KLHL1: variants seen among roughly 807,000 people sequenced by gnomAD.
The protein encoded by KLHL1 is kelch-like protein 1.
In KLHL1, 47 loss-of-function variants were observed where a neutral mutation model predicts 77.7. The observed-to-expected ratio is 0.60, with a 90% confidence interval of 0.48 to 0.77. The LOEUF (loss-of-function observed/expected upper bound fraction) is 0.77. Ranked by LOEUF, KLHL1 falls within the 30% of genes least tolerant of loss-of-function variation. KLHL1 has a pLI of 0.00. For synonymous variants in KLHL1, 360 were observed against 325.2 expected (o/e 1.11, Z -1.15); for missense variants, 925 against 910.8 (o/e 1.02, Z -0.20).
chr13:70,059,237 C>G (rs1242149874), intron 1 of KLHL1, among the ~76,000 whole-genome samples: 1 of 151,606 alleles, frequency 6.6e-6, no homozygotes, highest in African/African-American at 2.4e-5. Flanking sequence ...TGGCTTACTG[C>G]AACCTCTGCC....
At chr13:70,021,978 AC>A (rs1566506273) in intron 1 of KLHL1, among the ~76,000 whole-genome samples, 1 of 151,940 alleles carries the variant, frequency 6.6e-6, no homozygotes, top group Admixed American at 6.6e-5. Context: ...CAGAGCAGAA[AC>A]TTTATTTTAA....
chr13:69,771,276 C>CA (rs59252203), intron 7 of KLHL1, among the ~76,000 whole-genome samples: 3,367 of 127,970 alleles, frequency 0.026, 77 homozygotes, highest in African/African-American at 0.048. Context: ...TAGCAACTTT[C>CA]AAAAAAAAAA....
intron 1 of KLHL1, among the ~76,000 whole-genome samples, chr13:70,039,557 T>C (rs866823508): frequency 6.6e-6 from 1 of 152,120 alleles, no homozygotes; most frequent in African/African-American, 2.4e-5. Context: ...AAAAGATTTA[T>C]TGCCATTTTA....
chr13:69,984,748 C>T lies in KLHL1; in HGVS notation c.498-8946G>A, dbSNP rs553020306. On this transcript the variant is annotated intron_variant, in intron 1 of 10. Coordinates refer to ENST00000377844, the MANE Select transcript of KLHL1 (RefSeq NM_020866.3). The stretch of plus-strand genomic sequence containing the variant: ...TGTGTGTCTATGTTCTTGATTTCCT[C>T]GGCATGAGGCAAGGGACCTCGAGTA... Among the ~76,000 whole-genome samples the T allele has an allele frequency of 7.2e-5, 11 of 152,224 alleles. No individual in the cohort carries two copies. In the East Asian group the frequency reaches 1.5e-3, roughly 21 times the overall value.
At chr13:69,850,337 T>G (rs1879635816) in intron 5 of KLHL1, among the ~76,000 whole-genome samples, 1 of 151,594 alleles carries the variant, frequency 6.6e-6, no homozygotes, top group African/African-American at 2.4e-5. Context: ...ATATGATATA[T>G]GAATACATAT....
chr13:69,835,085 T>C (rs1029568382), intron 6 of KLHL1, among the ~76,000 whole-genome samples: 7 of 152,158 alleles, frequency 4.6e-5, no homozygotes, highest in African/African-American at 1.4e-4. Flanking sequence ...ACCTTACAAA[T>C]ATCCAAAATG....
chr13:69,837,971 T>A (rs2138106889), intron 6 of KLHL1, among the ~76,000 whole-genome samples: 1 of 151,716 alleles, frequency 6.6e-6, no homozygotes, highest in African/African-American at 2.4e-5. Context: ...AAATCTTATT[T>A]CTTTAGGCTT....
At chr13:70,037,226 G>T (rs932870277) in intron 1 of KLHL1, among the ~76,000 whole-genome samples, 5 of 152,002 alleles carry the variant, frequency 3.3e-5, no homozygotes, top group African/African-American at 7.2e-5. Flanking sequence ...TTTTGGTGGT[G>T]ACAGTTTGTG....
At position 70,016,291 on chromosome 13, in the gene KLHL1, C is replaced by A. The variant is rs1338310612; in HGVS notation, c.498-40489G>T. 2.6e-5 allele frequency among the ~76,000 whole-genome samples: 4 copies of A among 152,244 alleles called. No individual in the cohort carries two copies. The East Asian group carries it at 5.8e-4, about 22-fold the overall frequency. On this transcript the variant is annotated intron_variant, in intron 1 of 10. Coordinates refer to ENST00000377844, the MANE Select transcript of KLHL1 (RefSeq NM_020866.3). Reference sequence around the variant, plus strand: ...AGAGCTGGCCTGGGCCAGGAACAAGCAGGAGCCCTGCCCCCTACTGAGTTA... The same window carrying A: ...AGAGCTGGCCTGGGCCAGGAACAAGAAGGAGCCCTGCCCCCTACTGAGTTA...
intron 2 of KLHL1, among the ~76,000 whole-genome samples, chr13:69,961,925 A>G (rs1447954153): frequency 4.6e-5 from 7 of 152,036 alleles, no homozygotes; most frequent in Non-Finnish European, 8.8e-5. Context: ...AATATTTTAA[A>G]TTTAACTATT....
At chr13:69,737,642 T>C (rs991355380) in intron 8 of KLHL1, among the ~76,000 whole-genome samples, 1 of 152,176 alleles carries the variant, frequency 6.6e-6, no homozygotes, top group Admixed American at 6.5e-5. Context: ...GACTGCTTCT[T>C]TAAGCAGGAC....
At chr13:69,920,719 G>GA (rs922084567) in intron 4 of KLHL1, among the ~76,000 whole-genome samples, 1 of 151,956 alleles carries the variant, frequency 6.6e-6, no homozygotes, top group Non-Finnish European at 1.5e-5. Flanking sequence ...AAAAATCAGT[G>GA]AAAAATGCTC....
intron 2 of KLHL1, among the ~76,000 whole-genome samples, chr13:69,966,100 G>T (rs1406646774): frequency 2.0e-5 from 3 of 152,134 alleles, no homozygotes; most frequent in Non-Finnish European, 1.5e-5. Context: ...AGAAGCTGCA[G>T]CTTCTGTGAT....
chr13:69,709,953 C>T (rs1032396401), intron 9 of KLHL1, among the ~76,000 whole-genome samples: 2 of 151,760 alleles, frequency 1.3e-5, no homozygotes, highest in African/African-American at 4.8e-5. Flanking sequence ...GTCACACAAG[C>T]AGTTTTTCTG....
chr13:69,785,096 T>G (rs966831319), intron 7 of KLHL1, among the ~76,000 whole-genome samples: 1 of 151,214 alleles, frequency 6.6e-6, no homozygotes, highest in African/African-American at 2.4e-5. Flanking sequence ...GTTTCACCAT[T>G]TTAGCCGGGA....
At chr13:69,953,616 T>G (rs1424889355) in intron 3 of KLHL1, among the ~76,000 whole-genome samples, 1 of 151,028 alleles carries the variant, frequency 6.6e-6, no homozygotes, top group Admixed American at 6.6e-5. Flanking sequence ...TAAAATATGA[T>G]AAAATCATGA....
At chr13:69,777,902 A>G (rs1875917013) in intron 7 of KLHL1, among the ~76,000 whole-genome samples, 1 of 152,110 alleles carries the variant, frequency 6.6e-6, no homozygotes, top group African/African-American at 2.4e-5. Flanking sequence ...TTTTACTGGT[A>G]GTTGAATGCA....
intron 1 of KLHL1, among the ~76,000 whole-genome samples, chr13:70,079,281 C>T (rs1887336720): frequency 6.6e-6 from 1 of 152,088 alleles, no homozygotes; most frequent in Non-Finnish European, 1.5e-5. Flanking sequence ...TCAAACTCAA[C>T]CCAGATTCAC....
chr13:69,997,047 C>A (rs1333923971), intron 1 of KLHL1, among the ~76,000 whole-genome samples: 2 of 148,670 alleles, frequency 1.3e-5, no homozygotes, highest in East Asian at 4.0e-4. Context: ...ATGGTGAAAC[C>A]CTGTCTCTAC....
Sources: gnomAD v4.1 joint callset for allele counts (sites outside exome capture counted in the v4.1 genomes callset) on GRCh38, gnomAD v4.1.1 for gene constraint, MANE v1.5 for transcripts, NCBI Gene and HGNC (gene_info 2026-07-23, HGNC 2026-07-21) for gene names.